TRIM2: variants seen among roughly 807,000 people sequenced by gnomAD.
The protein encoded by TRIM2 is tripartite motif containing 2.
In TRIM2, 20 loss-of-function variants were observed where a neutral mutation model predicts 75.2. That is an observed-to-expected ratio of 0.27 (90% confidence interval 0.19 to 0.39). TRIM2 has a LOEUF of 0.39. TRIM2 is among the 10% of genes least tolerant of loss of function. TRIM2 has a pLI of 1.00. For missense variants in TRIM2, 660 were observed against 990.8 expected (o/e 0.67, Z 4.48); for synonymous variants, 373 against 388.3 (o/e 0.96, Z 0.46).
At chr4:153,171,855 C>T (rs55872605) in intron 1 of TRIM2, among the ~76,000 whole-genome samples, 40,644 of 103,676 alleles carry the variant, frequency 0.39, 7,052 homozygotes, top group African/African-American at 0.51. Context: ...TTTTTTTTTT[C>T]GCTAATGTAT....
At chr4:153,290,718 C>T (rs555153473) in intron 3 of TRIM2, among the ~76,000 whole-genome samples, 8 of 152,298 alleles carry the variant, frequency 5.3e-5, no homozygotes, top group Middle Eastern at 3.4e-3. Flanking sequence ...CCTCGAACTC[C>T]GAAGCTCAAG....
intron 11 of TRIM2, among the ~76,000 whole-genome samples, chr4:153,331,049 C>T (rs898890287): frequency 3.9e-5 from 6 of 152,098 alleles, no homozygotes; most frequent in Non-Finnish European, 5.9e-5. Flanking sequence ...TGGTCAGGCA[C>T]GGTGGCTCAT....
chr4:153,307,015 G>C (rs923672315), intron 6 of TRIM2, among the ~76,000 whole-genome samples: 3 of 152,152 alleles, frequency 2.0e-5, no homozygotes, highest in African/African-American at 7.2e-5. Flanking sequence ...TGATATATTT[G>C]ATGCTTCTAA....
chr4:153,284,215 T>C (rs904812854), intron 3 of TRIM2, among the ~76,000 whole-genome samples: 2 of 150,902 alleles, frequency 1.3e-5, no homozygotes, highest in African/African-American at 4.9e-5. Flanking sequence ...TTTTGGTTTT[T>C]TTTTAGACAG....
chr4:153,271,370 G>A (rs1399302557), intron 2 of TRIM2, among the ~76,000 whole-genome samples: 1 of 152,048 alleles, frequency 6.6e-6, no homozygotes, highest in Middle Eastern at 3.2e-3. Context: ...TATTTCAAAT[G>A]GCTTCAAATC....
Position 153,270,241 on chromosome 4 carries a change from A to C in TRIM2, c.31-94A>C, listed in dbSNP as rs1579192665. ...CCACACCTGGCCGACTTCTACCTTT[A>C]CTTATAGCACAATGCTTATGGTGAA... is the stretch of plus-strand genomic sequence containing the variant. On this transcript the variant is annotated intron_variant, in intron 1 of 11. Coordinates refer to ENST00000338700, the MANE Select transcript of TRIM2 (RefSeq NM_015271.5). The C allele has an allele frequency of 8.3e-6, 12 of 1,445,544 alleles. No homozygotes were observed. The East Asian group carries it at 2.6e-4, about 32-fold the overall frequency. The allele number at this position is 1,445,544 out of a possible 1,614,324, so 89.5% of individuals were successfully genotyped here.
intron 1 of TRIM2, among the ~76,000 whole-genome samples, chr4:153,246,412 T>C (rs1749160313): frequency 6.6e-6 from 1 of 152,234 alleles, no homozygotes; most frequent in African/African-American, 2.4e-5. Context: ...CCAACATGCC[T>C]GTATTTCCTA....
chr4:153,332,152 A>C (rs1242424714), intron 11 of TRIM2, among the ~76,000 whole-genome samples: 2 of 152,208 alleles, frequency 1.3e-5, no homozygotes, highest in African/African-American at 4.8e-5. Flanking sequence ...CCATAAAAGA[A>C]AAACAATTAA....
intron 1 of TRIM2, among the ~76,000 whole-genome samples, chr4:153,261,450 T>A (rs1406027215): frequency 6.6e-6 from 1 of 151,964 alleles, no homozygotes; most frequent in African/African-American, 2.4e-5. Context: ...GGCATCTTAA[T>A]AAATAAGTCC....
At position 153,337,944 on chromosome 4, in the gene TRIM2, G is replaced by C. The variant is rs76036887; in HGVS notation, c.*2978G>C. On this transcript the variant is annotated 3_prime_UTR_variant, in exon 12 of 12. Transcript: ENST00000338700. The stretch of plus-strand genomic sequence containing the variant: ...GACATGGGGAGGCAGAGAGTCACTT[G>C]ACCATCCAGAAATACATGACTACAA... 4,466 of 985,756 alleles carry C rather than the reference G, an allele frequency of 4.5e-3. 46 individuals are homozygous for C. In the East Asian group the frequency reaches 0.057, roughly 13 times the overall value. 61.1% of individuals were successfully genotyped at this position (985,756 alleles called of 1,614,324 possible).
At chr4:153,170,864 A>G (rs1192198371) in intron 1 of TRIM2, among the ~76,000 whole-genome samples, 4 of 152,240 alleles carry the variant, frequency 2.6e-5, no homozygotes, top group African/African-American at 4.8e-5. Context: ...GGGCTGCCCA[A>G]CTAGATGTGA....
chr4:153,164,038 A>G (rs992850068), intron 1 of TRIM2, among the ~76,000 whole-genome samples: 1 of 152,176 alleles, frequency 6.6e-6, no homozygotes, highest in Non-Finnish European at 1.5e-5. Flanking sequence ...AATTTAGTTT[A>G]TCTGTACAAT....
chr4:153,244,358 T>TTCCTCTTCCTCTTCC (rs1229665957), intron 1 of TRIM2, among the ~76,000 whole-genome samples: 1 of 22,226 alleles, frequency 4.5e-5, no homozygotes, highest in East Asian at 1.5e-3. Flanking sequence ...CTTCTTCCTC[T>TTCCTCTTCCTCTTCC]TCTTCTTCTT....
intron 1 of TRIM2, among the ~76,000 whole-genome samples, chr4:153,187,565 C>T (rs997242527): frequency 2.0e-5 from 3 of 152,276 alleles, no homozygotes; most frequent in South Asian, 2.1e-4. Flanking sequence ...AAGAAGGCTG[C>T]GTTGAGAGCC....
intron 1 of TRIM2, among the ~76,000 whole-genome samples, chr4:153,266,350 T>TG (rs1755084943): frequency 6.8e-6 from 1 of 147,944 alleles, no homozygotes; most frequent in Non-Finnish European, 1.5e-5. Context: ...TTGGGTTTTT[T>TG]TTTTTTTTTT....
At chr4:153,257,426 A>G in intron 1 of TRIM2, 3 of 1,190,900 alleles carry the variant, frequency 2.5e-6, no homozygotes, top group Non-Finnish European at 3.2e-6. Flanking sequence ...TAAGATCAAG[A>G]CCGATTGGTG....
chr4:153,280,658 C>T (rs370029499), intron 3 of TRIM2, among the ~76,000 whole-genome samples: 1 of 151,814 alleles, frequency 6.6e-6, no homozygotes, highest in African/African-American at 2.4e-5. Flanking sequence ...GGATTACAGG[C>T]ATGAGCCACT....
At chr4:153,288,211 C>T (rs945227777) in intron 3 of TRIM2, among the ~76,000 whole-genome samples, 4 of 151,846 alleles carry the variant, frequency 2.6e-5, no homozygotes, top group Non-Finnish European at 5.9e-5. Context: ...CTGAGGCAGG[C>T]GGATCACCTG....
intron 10 of TRIM2, among the ~76,000 whole-genome samples, chr4:153,325,248 A>G (rs1234376830): frequency 6.6e-6 from 1 of 152,234 alleles, no homozygotes; most frequent in Non-Finnish European, 1.5e-5. Context: ...GTCCCTGTGC[A>G]GACAGTAGCG....
Sources: allele counts gnomAD v4.1 joint callset (sites outside exome capture counted in the v4.1 genomes callset), GRCh38; gene constraint gnomAD v4.1.1; transcripts MANE v1.5; gene names NCBI Gene and HGNC (gene_info 2026-07-23, HGNC 2026-07-21).